C2CD3: variants seen among roughly 807,000 people sequenced by gnomAD.
C2CD3 encodes C2 domain containing 3 centriole elongation regulator, also known as C2 domain-containing protein 3.
Under a neutral mutation model 234.0 loss-of-function variants are expected in C2CD3, and 148 were observed. The observed-to-expected ratio is 0.63, with a 90% CI of 0.55 to 0.72. The LOEUF is 0.72. Among genes scored for constraint, C2CD3 ranks in the 30% least tolerant of loss-of-function variants. The probability of loss-of-function intolerance (pLI) is 0.00; values close to 1 mark genes in which losing one functional copy is unlikely to be tolerated. For missense variants in C2CD3, 2,577 were observed against 2,811.5 expected (o/e 0.92, Z 1.89); for synonymous variants, 1,000 against 1,035.4 (o/e 0.97, Z 0.66).
Position 74,033,458 on chromosome 11 carries a change from G to C in C2CD3, c.6702C>G (p.Ser2234=). 6.5e-7 allele frequency: 1 copy of C among 1,536,156 alleles called. No individual in the cohort carries two copies. Among genetic ancestry groups the C allele is most frequent in the East Asian group, 2.4e-5 (1 of 40,922 alleles). ...SFKKLPLNLA[S]QSRRENHKGP... The stretch of plus-strand genomic sequence containing the variant: ...CCTTATGGTTTTCCCTTCTGCTCTG[G>C]GAGGCTAGATTTAGCGGCAACTTCT... Residue 2234 remains serine (S), a synonymous_variant, in exon 31 of 33, where the codon TCC becomes TCG. Transcript: ENST00000334126.
At chr11:74,150,506 AAAAAAAAAACAAAAAAAAAACAAAAC>A (rs1418999567) in intron 3 of C2CD3, among the ~76,000 whole-genome samples, 3 of 99,168 alleles carry the variant, frequency 3.0e-5, no homozygotes, top group African/African-American at 1.2e-4. Context: ...AAAAAAAAAA[AAAAAAAAAACAAAAAAAAAACAAAAC>A]AAATTTCTAA....
rs545493929 is a variant in C2CD3 at position 74,063,948 on chromosome 11, G to A, written c.4952-6404C>T. Among the ~76,000 whole-genome samples the A allele has an allele frequency of 2.6e-5, 4 of 152,130 alleles. No homozygotes were observed. In the East Asian group the frequency reaches 7.7e-4, roughly 29 times the overall value. ...AAGTTTTAGGGTACATGTGCACAATGTGCAGGTTTGTTACATATGTATACA... is the reference window on the plus strand; with the variant it reads ...AAGTTTTAGGGTACATGTGCACAATATGCAGGTTTGTTACATATGTATACA... On this transcript the variant is annotated intron_variant, in intron 24 of 32. Transcript: ENST00000334126.
rs144003977 is a variant in C2CD3 at position 74,098,292 on chromosome 11, G to A, written c.2733-37C>T. On this transcript the variant is annotated intron_variant, in intron 15 of 32. Coordinates refer to ENST00000334126, the MANE Select transcript of C2CD3 (RefSeq NM_001286577.2). ...GAAATTGTGAATAAGCAAATAACAA[G>A]CATCAATCATGTCATAGAGTTATTT... 1.0e-5 allele frequency: 16 copies of A among 1,599,354 alleles called. No homozygotes were observed. In the African/African-American group the frequency reaches 1.7e-4, roughly 17 times the overall value.
intron 13 of C2CD3, 44 bp from the exon 14 acceptor site, chr11:74,103,669 G>GACATTCT: frequency 6.6e-7 from 1 of 1,524,522 alleles, no homozygotes; most frequent in Non-Finnish European, 8.8e-7. Flanking sequence ...ATGTCCTTTA[G>GACATTCT]AATTGGAATT....
intron 30 of C2CD3, chr11:74,034,633 TC>T: frequency 6.4e-7 from 1 of 1,574,734 alleles, no homozygotes. Context: ...AAAATGAGAA[TC>T]CACTTATTTA....
At chr11:74,050,164 T>C (rs1301085019) in intron 26 of C2CD3, among the ~76,000 whole-genome samples, 1 of 152,250 alleles carries the variant, frequency 6.6e-6, no homozygotes, top group African/African-American at 2.4e-5. Flanking sequence ...GTGATTTTTC[T>C]CAGGGCAGTA....
intron 29 of C2CD3, among the ~76,000 whole-genome samples, chr11:74,041,402 C>T (rs1484613711): frequency 6.6e-6 from 1 of 152,148 alleles, no homozygotes; most frequent in Non-Finnish European, 1.5e-5. Context: ...TCAAATGTGA[C>T]TTCTTTAAAT....
At chr11:74,124,472 C>T (rs988874833) in intron 7 of C2CD3, among the ~76,000 whole-genome samples, 19 of 152,110 alleles carry the variant, frequency 1.2e-4, no homozygotes, top group Non-Finnish European at 2.4e-4. Flanking sequence ...ATTTCAGATC[C>T]CTGGCCTCCA....
intron 32 of C2CD3, 46 bp from the exon 33 acceptor site, chr11:74,013,571 C>T: frequency 6.0e-6 from 7 of 1,157,702 alleles, no homozygotes; most frequent in Non-Finnish European, 7.8e-6. Context: ...GATATGGCAC[C>T]ACCAATGGAT....
intron 25 of C2CD3, among the ~76,000 whole-genome samples, chr11:74,054,914 C>A (rs969825116): frequency 6.6e-6 from 1 of 152,144 alleles, no homozygotes; most frequent in Non-Finnish European, 1.5e-5. Flanking sequence ...TCCTCCCCAC[C>A]ACTCCCAAAG....
At chr11:74,080,687 AT>A (rs1451055470) in intron 22 of C2CD3, among the ~76,000 whole-genome samples, 1 of 152,176 alleles carries the variant, frequency 6.6e-6, no homozygotes, top group East Asian at 1.9e-4. Context: ...CAAGGGGTTA[AT>A]TTTAATTCAC....
intron 3 of C2CD3, among the ~76,000 whole-genome samples, chr11:74,155,895 C>G (rs1405326298): frequency 6.6e-6 from 1 of 152,046 alleles, no homozygotes; most frequent in Non-Finnish European, 1.5e-5. Context: ...AATTCCAGCA[C>G]TTTGGGAGGC....
chr11:74,103,251 T>G lies in C2CD3; in HGVS notation c.2460A>C (p.Gly820=). 6.2e-7 allele frequency: 1 copy of G among 1,614,192 alleles called. No individual in the cohort carries two copies. The highest frequency in any genetic ancestry group is 8.5e-7 in the Non-Finnish European group (1 of 1,180,024). Residue 820 remains glycine, a synonymous_variant, in exon 14 of 33, where the codon GGA becomes GGC. Coordinates refer to ENST00000334126, the MANE Select transcript of C2CD3 (RefSeq NM_001286577.2). ...TGCATGGTGATTGTTTCTCAGATTC[T>G]CCACTAATAAAATCTTTCCCATCTG... ...MVPDGKDFIS[G]ESEKQSPCNV...
In C2CD3 at chr11:74,093,821, C is replaced by A; in HGVS notation, c.3339G>T (p.Trp1113Cys). The part of the protein sequence containing the change: ...VPGGGVQFEI[W>C]CRYYYPNVRD... ...CTGGGGTCTCCACACTGTACCTGCA[C>A]CAGATTTCAAACTGGACTCCACCTC... Residue 1113 changes from tryptophan to cysteine, a missense_variant, in exon 18 of 33, where the codon TGG becomes TGT. Physicochemically the swap from Trp to Cys is radical, Grantham distance 215. Coordinates refer to ENST00000334126, the MANE Select transcript of C2CD3 (RefSeq NM_001286577.2). The A allele has an allele frequency of 1.2e-6, 2 of 1,613,578 alleles. No individual in the cohort carries two copies. Among genetic ancestry groups the A allele is most frequent in the Non-Finnish European group, 1.7e-6 (2 of 1,179,716 alleles).
At chr11:74,025,740 G>C (rs913258327) in intron 32 of C2CD3, among the ~76,000 whole-genome samples, 3 of 152,122 alleles carry the variant, frequency 2.0e-5, no homozygotes, top group African/African-American at 7.2e-5. Context: ...AGGGAGCTAA[G>C]AGGGCCTGCT....
chr11:74,137,305 T>TTA (rs777592955), intron 5 of C2CD3, among the ~76,000 whole-genome samples: 9 of 151,494 alleles, frequency 5.9e-5, no homozygotes, highest in Admixed American at 6.6e-5. Context: ...CAGCAGGAGT[T>TTA]TATATATATA....
Position 74,114,549 on chromosome 11 carries a change from G to T in C2CD3, c.1565C>A (p.Ala522Asp). The T allele has an allele frequency of 1.2e-6, 2 of 1,613,978 alleles. No homozygotes were observed. Among genetic ancestry groups the T allele is most frequent in the South Asian group, 1.1e-5 (1 of 91,076 alleles). Residue 522 changes from alanine (A) to aspartate (D), a missense_variant, in exon 10 of 33, where the codon GCC becomes GAC. Coordinates refer to ENST00000334126, the MANE Select transcript of C2CD3 (RefSeq NM_001286577.2). Reference sequence around the variant, plus strand: ...ATCCACACTTAGTGTCATCGTTTGGGCATCTTCTGGAGTTTCTGAGAGCAT... The same window carrying T: ...ATCCACACTTAGTGTCATCGTTTGGTCATCTTCTGGAGTTTCTGAGAGCAT... ...QQMLSETPED[A>D]QTMTLSVDRL...
intron 12 of C2CD3, among the ~76,000 whole-genome samples, chr11:74,108,488 G>C (rs1312943609): frequency 6.6e-6 from 1 of 152,106 alleles, no homozygotes; most frequent in African/African-American, 2.4e-5. Context: ...TTATAAACTT[G>C]GAATTAGTTG....
intron 13 of C2CD3, among the ~76,000 whole-genome samples, 171 bp downstream of exon 13, chr11:74,106,200 C>T (rs188752032): frequency 4.7e-4 from 71 of 152,330 alleles, no homozygotes; most frequent in Non-Finnish European, 8.4e-4. Flanking sequence ...CAGGTACTCA[C>T]TATCACATCA....
Sources: gnomAD v4.1 joint callset for allele counts (sites outside exome capture counted in the v4.1 genomes callset) on GRCh38, gnomAD v4.1.1 for gene constraint, MANE v1.5 for transcripts, NCBI Gene and HGNC (gene_info 2026-07-23, HGNC 2026-07-21) for gene names.